The following NAP1L1 variants were observed in gnomAD, a reference collection of about 807,000 sequenced individuals.
The protein encoded by NAP1L1 is nucleosome assembly protein 1-like 1.
In NAP1L1, 9 loss-of-function variants were observed where a neutral mutation model predicts 58.9. The observed-to-expected ratio is 0.15, with a 90% CI of 0.09 to 0.27. The LOEUF is 0.27. Among genes scored for constraint, NAP1L1 ranks in the 10% least tolerant of loss-of-function variants. The pLI, the probability that NAP1L1 is intolerant of heterozygous loss-of-function variation, is 1.00. For synonymous variants in NAP1L1, 130 were observed against 138.3 expected, an observed-to-expected ratio of 0.94 and a Z score of 0.42; for missense variants, 302 against 458.8, an observed-to-expected ratio of 0.66 and a Z score of 3.12.
At chr12:76,057,456 A>T (rs560993266) in intron 6 of NAP1L1, 1 of 614,780 alleles carries the variant, frequency 1.6e-6, no homozygotes, top group South Asian at 1.7e-5. Flanking sequence ...GGCCGGGGAA[A>T]CGAGTTGCAT....
At chr12:76,069,971 G>A (rs1264403975) in intron 2 of NAP1L1, among the ~76,000 whole-genome samples, 1 of 152,154 alleles carries the variant, frequency 6.6e-6, no homozygotes, top group African/African-American at 2.4e-5. Context: ...GATTAGAAAT[G>A]TAGTTGCTTT....
At chr12:76,054,037 A>G in intron 8 of NAP1L1, 128 bp from the exon 9 acceptor site, 1 of 1,126,788 alleles carries the variant, frequency 8.9e-7, no homozygotes, top group Non-Finnish European at 1.2e-6. Flanking sequence ...CTGAAATACA[A>G]TCTTCTTTTT....
At chr12:76,066,764 A>G (rs1269258670) in intron 4 of NAP1L1, among the ~76,000 whole-genome samples, 1 of 152,142 alleles carries the variant, frequency 6.6e-6, no homozygotes, top group South Asian at 2.1e-4. Flanking sequence ...TCCACACTCT[A>G]TGTAGGTGGC....
At chr12:76,057,507 C>A in intron 6 of NAP1L1, 3 of 688,550 alleles carry the variant, frequency 4.4e-6, no homozygotes, top group Non-Finnish European at 7.9e-6. Flanking sequence ...GCAGAGCTGG[C>A]GGGGCCTGTG....
rs376579256 is a variant in NAP1L1 at position 76,056,482 on chromosome 12, T to C, written c.430-321A>G. Reference sequence around the variant, plus strand: ...GCAACAGAAATACTAATTTGGTCCATTGCCTCACCCCATGGTGTTCTTAAT... The same window carrying C: ...GCAACAGAAATACTAATTTGGTCCACTGCCTCACCCCATGGTGTTCTTAAT... On this transcript the variant is annotated intron_variant, in intron 6 of 14. Transcript: ENST00000618691. The C allele has an allele frequency of 4.1e-5, 15 of 364,726 alleles. No homozygotes were observed. In the East Asian group the frequency reaches 4.8e-4, roughly 12 times the overall value. 22.6% of individuals were successfully genotyped at this position (364,726 alleles called of 1,614,324 possible). A position where few individuals can be genotyped will look rare whatever the true frequency, so the allele number is the denominator to read the frequency against.
chr12:76,058,194 CATATAT>C (rs3082540), intron 6 of NAP1L1: 54,868 of 368,132 alleles, frequency 0.15, 8,692 homozygotes, highest in Non-Finnish European at 0.19. Flanking sequence ...GAGAGGCCTA[CATATAT>C]ATATATATAT....
At chr12:76,049,873 G>C in intron 12 of NAP1L1, 88 bp from the exon 13 acceptor site, 1 of 1,440,834 alleles carries the variant, frequency 6.9e-7, no homozygotes, top group Non-Finnish European at 9.7e-7. Context: ...GTATAAACTA[G>C]TGTCTAAAAA....
At chr12:76,076,573 T>C (rs1280759053) in intron 1 of NAP1L1, among the ~76,000 whole-genome samples, 1 of 128,514 alleles carries the variant, frequency 7.8e-6, no homozygotes, top group East Asian at 2.0e-4. Flanking sequence ...TATATATATA[T>C]ATATATATAT....
chr12:76,067,355 T>C lies in NAP1L1; in HGVS notation c.206+16A>G. On this transcript the variant is annotated intron_variant, in intron 4 of 14. Coordinates refer to ENST00000618691, the MANE Select transcript of NAP1L1 (RefSeq NM_004537.7). ...TGATTATAGAAAGATAAATAAGGAC[T>C]ATGGAAAAGCTGTACCTTTCAATGT... 1 of 1,559,648 alleles carries C rather than the reference T, an allele frequency of 6.4e-7. No homozygotes were observed. The highest frequency in any genetic ancestry group is 1.1e-5 in the South Asian group (1 of 88,664).
rs58649228 is a variant in NAP1L1, at chr12:76,076,549, A to AATATATATATATATATAT, written c.-20-2328_-20-2311dup. Among the ~76,000 whole-genome samples, 232 of 120,440 alleles carry AATATATATATATATATAT rather than the reference A, an allele frequency of 1.9e-3. 1 individual carries two copies. The highest frequency in any genetic ancestry group is 2.7e-3 in the South Asian group (9 of 3,382). 79.0% of individuals were successfully genotyped at this position (120,440 alleles called of 152,430 possible). A position where few individuals can be genotyped will look rare whatever the true frequency, so the allele number is the denominator to read the frequency against. ...TGCCGAAATCCCCTTTGGATATGGA[A>AATATATATATATATATAT]ATATATATATATATATATATATATA... On this transcript the variant is annotated intron_variant, in intron 1 of 14. Transcript: ENST00000618691.
Position 76,045,545 on chromosome 12 carries a change from A to C in NAP1L1, c.*2884T>G, listed in dbSNP as rs1948593060. 6.6e-6 allele frequency: 1 copy of C among 152,092 alleles called. No individual in the cohort carries two copies. Among genetic ancestry groups the C allele is most frequent in the Non-Finnish European group, 1.5e-5 (1 of 67,920 alleles). 9.4% of individuals were successfully genotyped at this position (152,092 alleles called of 1,614,324 possible). On this transcript the variant is annotated 3_prime_UTR_variant, in exon 15 of 15. Transcript: ENST00000618691. The stretch of plus-strand genomic sequence containing the variant: ...TATCCTTTCCTGATTAAGTGTGCTA[A>C]AACAGAAATAGAGGTAGAATCCCAT...
At chr12:76,050,854 T>C (rs894975635) in intron 11 of NAP1L1, among the ~76,000 whole-genome samples, 3 of 151,858 alleles carry the variant, frequency 2.0e-5, no homozygotes, top group African/African-American at 7.3e-5. Context: ...CCTGCGTTTG[T>C]ACAAAAAATA....
intron 6 of NAP1L1, chr12:76,057,070 G>A (rs1023116633): frequency 1.1e-5 from 2 of 181,342 alleles, no homozygotes; most frequent in African/African-American, 4.8e-5. Flanking sequence ...GGAGGCTGAG[G>A]TGCGAAGATT....
intron 6 of NAP1L1, chr12:76,057,359 A>G (rs1030496288): frequency 2.8e-5 from 11 of 390,562 alleles, no homozygotes; most frequent in East Asian, 5.8e-5. Flanking sequence ...GCCAGGTTGA[A>G]TAACAGTTCA....
In NAP1L1 at chr12:76,055,082, A is replaced by G; in HGVS notation, c.567T>C (p.Asp189=). The G allele has an allele frequency of 6.3e-7, 1 of 1,598,296 alleles. No individual in the cohort carries two copies. The highest frequency in any genetic ancestry group is 8.5e-7 in the Non-Finnish European group (1 of 1,173,390). ...DLLSDMVQEH[D]EPILKHLKDI... ...CTTTCAAGTGCTTCAGAATAGGTTC[A>G]TCGTGTTCCTTCAAATTAAAAAAAT... The change falls in exon 8 of 15, where the codon GAT becomes GAC. Residue 189 remains aspartate (D), a synonymous_variant. Transcript: ENST00000618691.
chr12:76,078,133 G>A (rs1358789710), intron 1 of NAP1L1, among the ~76,000 whole-genome samples: 1 of 152,046 alleles, frequency 6.6e-6, no homozygotes, highest in Non-Finnish European at 1.5e-5. Context: ...GCAGAAGGAA[G>A]GCACTTTTGC....
In NAP1L1 at chr12:76,047,181, CATT is replaced by C. The variant is rs1429070128; in HGVS notation, c.*1245_*1247del. 4 of 152,528 alleles carry C rather than the reference CATT, an allele frequency of 2.6e-5. No individual in the cohort carries two copies. Among genetic ancestry groups the C allele is most frequent in the Non-Finnish European group, 4.4e-5 (3 of 67,882 alleles). 9.4% of individuals were successfully genotyped at this position (152,528 alleles called of 1,614,324 possible). A position where few individuals can be genotyped will look rare whatever the true frequency, so the allele number is the denominator to read the frequency against. On this transcript the variant is annotated 3_prime_UTR_variant, in exon 15 of 15. Transcript: ENST00000618691. ...TTGAGCTTTTAACAAGATTGAGAAA[CATT>C]ATATGAGATTTAACTCAATATGCCT...
At chr12:76,061,965 A>G (rs1401563451) in intron 4 of NAP1L1, among the ~76,000 whole-genome samples, 1 of 152,178 alleles carries the variant, frequency 6.6e-6, no homozygotes, top group African/African-American at 2.4e-5. Flanking sequence ...ACCATAAGCA[A>G]TTTCAGGTAA....
intron 5 of NAP1L1, 112 bp downstream of exon 5, chr12:76,060,026 C>G: frequency 1.6e-6 from 2 of 1,271,544 alleles, no homozygotes; most frequent in Non-Finnish European, 2.2e-6. Context: ...AGTGCTGCCT[C>G]TAATAACAAT....
Sources: allele counts gnomAD v4.1 joint callset (sites outside exome capture counted in the v4.1 genomes callset), GRCh38; gene constraint gnomAD v4.1.1; transcripts MANE v1.5; gene names NCBI Gene and HGNC (gene_info 2026-07-23, HGNC 2026-07-21).